MAPKAP1: variants seen among roughly 807,000 people sequenced by gnomAD.
MAPKAP1 encodes target of rapamycin complex 2 subunit MAPKAP1.
Under a neutral mutation model 65.7 loss-of-function variants are expected in MAPKAP1, and 20 were observed. That is an observed-to-expected ratio of 0.30 (90% CI 0.21 to 0.44). The LOEUF (loss-of-function observed/expected upper bound fraction) is 0.44, where lower values mean the gene tolerates loss of function less well. Ranked by LOEUF, MAPKAP1 falls within the 20% of genes least tolerant of loss-of-function variation. The probability of loss-of-function intolerance (pLI) is 1.00; values close to 1 mark genes in which losing one functional copy is unlikely to be tolerated. For synonymous variants in MAPKAP1, 222 were observed against 244.3 expected (o/e 0.91, Z 0.85); for missense variants, 423 against 648.0 (o/e 0.65, Z 3.77).
intron 1 of MAPKAP1, among the ~76,000 whole-genome samples, chr9:125,698,288 A>AATATATATATATAT (rs57303829): frequency 1.2e-4 from 6 of 49,038 alleles, no homozygotes; most frequent in Non-Finnish European, 1.7e-4. Flanking sequence ...AATATATATA[A>AATATATATATATAT]ATATATATAT....
At chr9:125,552,867 G>C (rs2133195920) in intron 6 of MAPKAP1, among the ~76,000 whole-genome samples, 1 of 152,160 alleles carries the variant, frequency 6.6e-6, no homozygotes, top group Middle Eastern at 3.4e-3. Context: ...AGTCCAGCCT[G>C]GGCAGCATAG....
intron 8 of MAPKAP1, among the ~76,000 whole-genome samples, chr9:125,487,577 A>G (rs1472975243): frequency 2.6e-5 from 4 of 151,722 alleles, no homozygotes; most frequent in Non-Finnish European, 5.9e-5. Flanking sequence ...TTTGATTTGG[A>G]AAGAGGTAAC....
At chr9:125,691,979 A>G (rs1376313338) in intron 1 of MAPKAP1, among the ~76,000 whole-genome samples, 3 of 152,240 alleles carry the variant, frequency 2.0e-5, no homozygotes, top group African/African-American at 7.2e-5. Context: ...CCTAGAGCCT[A>G]GGGCTGCTTC....
At chr9:125,451,483 GA>G (rs1852946516) in intron 10 of MAPKAP1, among the ~76,000 whole-genome samples, 1 of 152,186 alleles carries the variant, frequency 6.6e-6, no homozygotes, top group African/African-American at 2.4e-5. Flanking sequence ...TGGTGATCCT[GA>G]AGCAGCTATG....
intron 11 of MAPKAP1, among the ~76,000 whole-genome samples, chr9:125,442,784 C>T (rs1326386553): frequency 6.6e-6 from 1 of 152,344 alleles, no homozygotes; most frequent in Non-Finnish European, 1.5e-5. Context: ...CTGTCTGCTC[C>T]AAACTGTCCT....
At chr9:125,584,055 T>TC (rs1299491648) in intron 5 of MAPKAP1, among the ~76,000 whole-genome samples, 1 of 148,954 alleles carries the variant, frequency 6.7e-6, no homozygotes, top group South Asian at 2.2e-4. Flanking sequence ...AGAGCAAGAC[T>TC]CCGTCTCCAA....
At chr9:125,700,251 T>C (rs1204620132) in intron 1 of MAPKAP1, among the ~76,000 whole-genome samples, 2 of 152,194 alleles carry the variant, frequency 1.3e-5, no homozygotes, top group Non-Finnish European at 2.9e-5. Context: ...CTTCAAACAA[T>C]TTTCTACCAA....
chr9:125,609,924 A>C (rs1031562290), intron 4 of MAPKAP1, among the ~76,000 whole-genome samples: 9 of 152,188 alleles, frequency 5.9e-5, no homozygotes, highest in Non-Finnish European at 1.3e-4. Flanking sequence ...AACAGCCCCC[A>C]CTTACCCTAT....
intron 5 of MAPKAP1, among the ~76,000 whole-genome samples, chr9:125,562,430 A>C (rs531508642): frequency 3.1e-4 from 47 of 152,252 alleles, no homozygotes; most frequent in Non-Finnish European, 6.0e-4. Flanking sequence ...ATACAAGATG[A>C]ATAGAAGCCT....
intron 8 of MAPKAP1, among the ~76,000 whole-genome samples, chr9:125,502,316 G>T (rs963139463): frequency 2.0e-5 from 3 of 151,996 alleles, no homozygotes; most frequent in Admixed American, 2.0e-4. Flanking sequence ...TGGCCAGGCT[G>T]GTCTCGAACT....
At chr9:125,552,904 T>A (rs1484333883) in intron 6 of MAPKAP1, among the ~76,000 whole-genome samples, 1 of 152,148 alleles carries the variant, frequency 6.6e-6, no homozygotes, top group Non-Finnish European at 1.5e-5. Context: ...AAAATTTTTT[T>A]AAATTAAAAA....
chr9:125,483,447 A>G (rs1396378050), intron 9 of MAPKAP1, among the ~76,000 whole-genome samples: 2 of 152,246 alleles, frequency 1.3e-5, no homozygotes, highest in Non-Finnish European at 2.9e-5. Context: ...TGCCAACATT[A>G]GAAAAGATTT....
intron 8 of MAPKAP1, among the ~76,000 whole-genome samples, chr9:125,485,739 G>C (rs1854481926): frequency 6.6e-6 from 1 of 152,118 alleles, no homozygotes; most frequent in Non-Finnish European, 1.5e-5. Flanking sequence ...GGTTCTTCTG[G>C]AAGTGAATTC....
At chr9:125,450,626 C>T (rs1852909059) in intron 10 of MAPKAP1, among the ~76,000 whole-genome samples, 1 of 152,218 alleles carries the variant, frequency 6.6e-6, no homozygotes, top group Admixed American at 6.5e-5. Flanking sequence ...CTACAAAGAA[C>T]AGCTTTGAGG....
At chr9:125,579,526 C>G (rs1445338175) in intron 5 of MAPKAP1, among the ~76,000 whole-genome samples, 1 of 152,194 alleles carries the variant, frequency 6.6e-6, no homozygotes, top group Non-Finnish European at 1.5e-5. Context: ...CTTCTGACCT[C>G]AGGTGATCCA....
In MAPKAP1 at chr9:125,438,146, G is replaced by A. The variant is rs145469885; in HGVS notation, c.*741C>T. 1,407 of 387,806 alleles carry A rather than the reference G, an allele frequency of 3.6e-3. 6 individuals carry two copies. Among genetic ancestry groups the A allele is most frequent in the Middle Eastern group, 5.2e-3 (8 of 1,538 alleles). 24.0% of individuals were successfully genotyped at this position (387,806 alleles called of 1,614,324 possible). ...GCAGCGTGCCTGAGGACCAGCCACC[G>A]CCCCTCCTCCTGGCACCCCACACTG... is the stretch of plus-strand genomic sequence containing the variant. On this transcript the variant is annotated 3_prime_UTR_variant, in exon 12 of 12. Transcript: ENST00000265960.
intron 6 of MAPKAP1, among the ~76,000 whole-genome samples, chr9:125,557,280 A>C (rs1186321934): frequency 6.6e-6 from 1 of 152,228 alleles, no homozygotes; most frequent in Non-Finnish European, 1.5e-5. Flanking sequence ...TCTTGCTTTA[A>C]AAAAGGACTT....
At chr9:125,495,258 C>T (rs1001097453) in intron 8 of MAPKAP1, among the ~76,000 whole-genome samples, 3 of 152,136 alleles carry the variant, frequency 2.0e-5, no homozygotes, top group Non-Finnish European at 4.4e-5. Context: ...AGGGCATATC[C>T]GCTGGAAGAA....
At chr9:125,494,930 C>T (rs1191993349) in intron 8 of MAPKAP1, among the ~76,000 whole-genome samples, 1 of 152,164 alleles carries the variant, frequency 6.6e-6, no homozygotes, top group Non-Finnish European at 1.5e-5. Context: ...GAGGAGGGCT[C>T]AATCAATGTT....
Sources: gnomAD v4.1 joint callset for allele counts (sites outside exome capture counted in the v4.1 genomes callset) on GRCh38, gnomAD v4.1.1 for gene constraint, MANE v1.5 for transcripts, NCBI Gene and HGNC (gene_info 2026-07-23, HGNC 2026-07-21) for gene names.